The following EPM2A variants were observed in gnomAD, a reference collection of about 807,000 sequenced individuals.
EPM2A encodes the protein EPM2A glucan phosphatase, laforin.
A neutral mutation model predicts 26.5 loss-of-function variants in EPM2A; 21 were observed. The ratio of observed to expected loss-of-function variants is 0.79; its 90% CI spans 0.56 to 1.14. EPM2A has a LOEUF of 1.14. Among genes scored for constraint, EPM2A ranks in the 50% most tolerant of loss-of-function variants. EPM2A has a pLI of 0.00. For synonymous variants in EPM2A, 217 were observed against 177.6 expected (o/e 1.22, Z -1.76); for missense variants, 458 against 440.8 (o/e 1.04, Z -0.35).
At chr6:145,661,754 G>C (rs542973465) in intron 2 of EPM2A, among the ~76,000 whole-genome samples, 1 of 151,904 alleles carries the variant, frequency 6.6e-6, no homozygotes, top group African/African-American at 2.4e-5. Flanking sequence ...TCACAGTATC[G>C]GATTTGATTA....
At chr6:145,474,477 A>T (rs968295641) in intron 4 of EPM2A, among the ~76,000 whole-genome samples, 1 of 152,026 alleles carries the variant, frequency 6.6e-6, no homozygotes, top group Admixed American at 6.6e-5. Flanking sequence ...AACTAAAACT[A>T]AAATAAAAGA....
intron 1 of EPM2A, among the ~76,000 whole-genome samples, chr6:145,702,292 G>A (rs369461517): frequency 2.0e-5 from 3 of 152,084 alleles, no homozygotes; most frequent in Admixed American, 6.6e-5. Context: ...ACCCTCTGTC[G>A]AAACTCTCCT....
At chr6:145,663,284 GTCTA>G (rs1462618105) in intron 2 of EPM2A, among the ~76,000 whole-genome samples, 1 of 152,172 alleles carries the variant, frequency 6.6e-6, no homozygotes, top group Non-Finnish European at 1.5e-5. Flanking sequence ...AACAGCTCCA[GTCTA>G]CAGCTCCCAG....
At chr6:145,554,027 T>C (rs1431523200) in intron 2 of EPM2A, among the ~76,000 whole-genome samples, 1 of 151,904 alleles carries the variant, frequency 6.6e-6, no homozygotes, top group Non-Finnish European at 1.5e-5. Flanking sequence ...ATTTGTATAA[T>C]GCTTTACAGT....
intron 1 of EPM2A, among the ~76,000 whole-genome samples, chr6:145,687,483 A>C (rs1359005812): frequency 6.6e-6 from 1 of 152,154 alleles, no homozygotes; most frequent in African/African-American, 2.4e-5. Context: ...TATAATTCAT[A>C]CATTATTTTT....
intron 1 of EPM2A, among the ~76,000 whole-genome samples, chr6:145,728,898 G>A (rs1368525623): frequency 6.6e-6 from 1 of 152,160 alleles, no homozygotes; most frequent in African/African-American, 2.4e-5. Context: ...GGAGGCCTAG[G>A]AGGGAAAAAT....
At chr6:145,412,956 C>T (rs1049568505) in intron 4 of EPM2A, among the ~76,000 whole-genome samples, 13 of 152,104 alleles carry the variant, frequency 8.5e-5, no homozygotes, top group African/African-American at 2.9e-4. Context: ...TACCTCCAGT[C>T]CACCCCTTAC....
rs189073692 is a variant in EPM2A, at chr6:145,519,213, G to A, written c.341-16638C>T. On this transcript the variant is annotated intron_variant, in intron 2 of 3. Coordinates refer to the EPM2A transcript ENST00000450221. ...GAGAAATATCTTGATAGTTGATTAG[G>A]AAAAAAAGCTCTACTAGGACTCTGT... is the stretch of plus-strand genomic sequence containing the variant. Among the ~76,000 whole-genome samples the A allele has an allele frequency of 2.3e-3, 353 of 152,128 alleles. 1 individual carries two copies. Among genetic ancestry groups the A allele is most frequent in the African/African-American group, 7.9e-3 (326 of 41,514 alleles).
At chr6:145,492,213 A>C (rs1006616976) in intron 4 of EPM2A, 1 of 187,194 alleles carries the variant, frequency 5.3e-6, no homozygotes, top group African/African-American at 2.4e-5. Flanking sequence ...CTTTGGCACC[A>C]GCTAGGTCAA....
intron 4 of EPM2A, among the ~76,000 whole-genome samples, chr6:145,390,278 T>G (rs193135793): frequency 1.3e-5 from 2 of 152,098 alleles, no homozygotes; most frequent in East Asian, 3.9e-4. Flanking sequence ...CTAATCTGCT[T>G]TACTCAAAAT....
intron 2 of EPM2A, among the ~76,000 whole-genome samples, chr6:145,554,422 T>TGATAGATAGATAGATA (rs34637179): frequency 8.9e-5 from 13 of 146,230 alleles, no homozygotes; most frequent in East Asian, 4.2e-4. Flanking sequence ...GATAGATAGA[T>TGATAGATAGATAGATA]GATAGATAGA....
At chr6:145,597,906 A>C (rs779068366) in intron 2 of EPM2A, among the ~76,000 whole-genome samples, 1 of 152,150 alleles carries the variant, frequency 6.6e-6, no homozygotes, top group Non-Finnish European at 1.5e-5. Context: ...ACATAATCTC[A>C]TTCTTTTTTA....
chr6:145,493,749 C>A (rs79181658), intron 4 of EPM2A, among the ~76,000 whole-genome samples: 1 of 152,022 alleles, frequency 6.6e-6, no homozygotes, highest in African/African-American at 2.4e-5. Flanking sequence ...GAGATAATCA[C>A]GTGCTTTTTG....
intron 4 of EPM2A, among the ~76,000 whole-genome samples, chr6:145,413,773 A>G (rs1190799112): frequency 6.6e-6 from 1 of 152,216 alleles, no homozygotes. Flanking sequence ...TGGGGTCCTG[A>G]CAAATAGCTT....
At chr6:145,725,089 T>G (rs574092475) in intron 1 of EPM2A, among the ~76,000 whole-genome samples, 19 of 152,168 alleles carry the variant, frequency 1.2e-4, no homozygotes, top group Non-Finnish European at 2.4e-4. Context: ...CTCAAAGACT[T>G]GTATCCAAAA....
At chr6:145,637,171 T>A (rs1776749432) in intron 2 of EPM2A, 1 of 152,260 alleles carries the variant, frequency 6.6e-6, no homozygotes, top group South Asian at 2.1e-4. Context: ...TTACTTATTT[T>A]TGTAATTTAC....
intron 4 of EPM2A, among the ~76,000 whole-genome samples, chr6:145,399,373 G>A (rs1363402200): frequency 6.6e-6 from 1 of 152,120 alleles, no homozygotes; most frequent in Non-Finnish European, 1.5e-5. Flanking sequence ...TGTTTGATGG[G>A]ACATGTTGTA....
At chr6:145,694,437 T>G (rs968492455) in intron 1 of EPM2A, among the ~76,000 whole-genome samples, 1 of 152,036 alleles carries the variant, frequency 6.6e-6, no homozygotes, top group Non-Finnish European at 1.5e-5. Context: ...TTTGAGATGA[T>G]GAATCCTGTT....
chr6:145,708,829 A>G (rs909069255), intron 1 of EPM2A, among the ~76,000 whole-genome samples: 1 of 152,240 alleles, frequency 6.6e-6, no homozygotes, highest in East Asian at 1.9e-4. Flanking sequence ...AACAGCTTGC[A>G]CTGTGTGCCT....
Sources: gnomAD v4.1 joint callset for allele counts (sites outside exome capture counted in the v4.1 genomes callset) on GRCh38, gnomAD v4.1.1 for gene constraint, MANE v1.5 for transcripts, NCBI Gene and HGNC (gene_info 2026-07-23, HGNC 2026-07-21) for gene names.